Variants in METTL24 observed in about 807,000 individuals in gnomAD.
The protein encoded by METTL24 is methyltransferase like 24.
In METTL24, 29 loss-of-function variants were observed where a neutral mutation model predicts 32.7. That is an observed-to-expected ratio of 0.89 (90% CI 0.66 to 1.21). The LOEUF (loss-of-function observed/expected upper bound fraction) is 1.21. Ranked by LOEUF, METTL24 falls within the 50% of genes most tolerant of loss-of-function variation. METTL24 has a pLI of 0.00. For synonymous variants in METTL24, 163 were observed against 179.5 expected (o/e 0.91, Z 0.73); for missense variants, 439 against 468.1 (o/e 0.94, Z 0.57).
At chr6:110,274,522 G>T (rs570910307) in intron 4 of METTL24, among the ~76,000 whole-genome samples, 5 of 152,092 alleles carry the variant, frequency 3.3e-5, no homozygotes, top group Non-Finnish European at 2.9e-5. Context: ...GGGTAGGAGG[G>T]TATAAGGGAT....
chr6:110,290,263 C>T (rs767534635), intron 4 of METTL24, among the ~76,000 whole-genome samples: 6 of 152,132 alleles, frequency 3.9e-5, no homozygotes, highest in Admixed American at 1.3e-4. Flanking sequence ...ACCACCATAA[C>T]GTACTCAAAA....
At position 110,315,374 on chromosome 6, in the gene METTL24, G is replaced by A. The variant is rs1247743558; in HGVS notation, c.525C>T (p.Ile175=). 1.2e-6 allele frequency: 2 copies of A among 1,614,154 alleles called. No homozygotes were observed. The highest frequency in any genetic ancestry group is 8.5e-7 in the Non-Finnish European group (1 of 1,180,012). ...AGTAGAGGCGGCACTGCTTGTTGCG[G>A]ATTTGATGAGCTAAATTGAACCTGT... ...LDDRFNLAHQ[I]RNKQCRLYSL... is the part of the protein sequence containing the mutation. Residue 175 remains isoleucine (I), a synonymous_variant, in exon 3 of 5, where the codon ATC becomes ATT. Coordinates refer to ENST00000338882, the MANE Select transcript of METTL24 (RefSeq NM_001123364.3).
At chr6:110,277,111 A>G (rs1199644984) in intron 4 of METTL24, among the ~76,000 whole-genome samples, 1 of 152,184 alleles carries the variant, frequency 6.6e-6, no homozygotes, top group African/African-American at 2.4e-5. Flanking sequence ...AAAAAATCAC[A>G]AAAGATTGCG....
At chr6:110,257,310 T>C (rs939839566) in intron 4 of METTL24, among the ~76,000 whole-genome samples, 1 of 152,194 alleles carries the variant, frequency 6.6e-6, no homozygotes, top group African/African-American at 2.4e-5. Flanking sequence ...AAGTGAACTG[T>C]TCCTAAACTG....
At chr6:110,355,648 C>T (rs551825358) in intron 1 of METTL24, among the ~76,000 whole-genome samples, 10 of 152,326 alleles carry the variant, frequency 6.6e-5, no homozygotes, top group Admixed American at 5.9e-4. Context: ...AAGCTCTGGA[C>T]TCACACGTCC....
At chr6:110,268,142 T>G (rs943472260) in intron 4 of METTL24, among the ~76,000 whole-genome samples, 1 of 152,044 alleles carries the variant, frequency 6.6e-6, no homozygotes, top group Admixed American at 6.5e-5. Context: ...AACAAGCAAA[T>G]GAAATAGGCA....
chr6:110,258,543 G>A (rs766591555), intron 4 of METTL24, among the ~76,000 whole-genome samples: 2 of 152,106 alleles, frequency 1.3e-5, no homozygotes, highest in Non-Finnish European at 2.9e-5. Flanking sequence ...ATGAATGGAT[G>A]TATGGACAAA....
intron 4 of METTL24, among the ~76,000 whole-genome samples, chr6:110,249,144 A>G (rs2114689411): frequency 6.6e-6 from 1 of 152,118 alleles, no homozygotes; most frequent in African/African-American, 2.4e-5. Context: ...TAAAAACTCT[A>G]TTAGTGATGT....
chr6:110,348,277 T>A (rs1030717821), intron 1 of METTL24, among the ~76,000 whole-genome samples: 1 of 152,224 alleles, frequency 6.6e-6, no homozygotes, highest in Non-Finnish European at 1.5e-5. Flanking sequence ...CTTGTCCATA[T>A]CCACTAAGCA....
At chr6:110,252,383 G>T (rs376082364) in intron 4 of METTL24, among the ~76,000 whole-genome samples, 21 of 152,178 alleles carry the variant, frequency 1.4e-4, no homozygotes, top group African/African-American at 5.1e-4. Flanking sequence ...ATGCATTCCT[G>T]GTGTCTCCAC....
At position 110,245,805 on chromosome 6, in the gene METTL24, C is replaced by T. The variant is rs1031105410; in HGVS notation, c.*141G>A. On this transcript the variant is annotated 3_prime_UTR_variant, in exon 5 of 5. Transcript: ENST00000338882. The stretch of plus-strand genomic sequence containing the variant: ...GCCCCATCACATGCCAAGCACTAGG[C>T]TGCATGCCCGCAATAACACACTCCC... The T allele has an allele frequency of 3.9e-6, 3 of 771,672 alleles. No individual in the cohort carries two copies. Among genetic ancestry groups the T allele is most frequent in the Non-Finnish European group, 6.3e-6 (3 of 472,816 alleles). The allele number at this position is 771,672 out of a possible 1,614,324, so 47.8% of individuals were successfully genotyped here.
chr6:110,249,400 G>A (rs1010073628), intron 4 of METTL24, among the ~76,000 whole-genome samples: 2 of 151,784 alleles, frequency 1.3e-5, no homozygotes, highest in African/African-American at 2.4e-5. Flanking sequence ...ACTTCAATCA[G>A]AATTGTATAA....
chr6:110,250,271 T>G (rs980485599), intron 4 of METTL24, among the ~76,000 whole-genome samples: 1 of 151,976 alleles, frequency 6.6e-6, no homozygotes, highest in Non-Finnish European at 1.5e-5. Flanking sequence ...CTGTGCTGCT[T>G]GCCTGGCTTC....
intron 4 of METTL24, among the ~76,000 whole-genome samples, chr6:110,256,799 C>T (rs914621276): frequency 3.4e-4 from 52 of 152,346 alleles, no homozygotes; most frequent in African/African-American, 1.3e-3. Flanking sequence ...GCACACGACA[C>T]TTAGCCAAAT....
chr6:110,354,371 G>A (rs907372240), intron 1 of METTL24, among the ~76,000 whole-genome samples: 3 of 152,178 alleles, frequency 2.0e-5, no homozygotes, highest in Non-Finnish European at 4.4e-5. Flanking sequence ...CACCTGGAAT[G>A]GAAGCAGAGT....
chr6:110,354,905 AC>A (rs886252076), intron 1 of METTL24, among the ~76,000 whole-genome samples: 1 of 152,254 alleles, frequency 6.6e-6, no homozygotes, highest in Non-Finnish European at 1.5e-5. Flanking sequence ...ACCTTAGGAG[AC>A]TAAAAACTTA....
chr6:110,314,552 C>G (rs1771783488), intron 3 of METTL24, among the ~76,000 whole-genome samples: 1 of 152,054 alleles, frequency 6.6e-6, no homozygotes, highest in African/African-American at 2.4e-5. Flanking sequence ...TTTATGAGTT[C>G]CCTTTTATCC....
At chr6:110,286,117 C>T (rs1031121410) in intron 4 of METTL24, among the ~76,000 whole-genome samples, 48 of 152,264 alleles carry the variant, frequency 3.2e-4, no homozygotes. Context: ...ATGCACCTTA[C>T]AATAGGAGAA....
At chr6:110,317,500 C>T (rs571743514) in intron 2 of METTL24, among the ~76,000 whole-genome samples, 1 of 152,194 alleles carries the variant, frequency 6.6e-6, no homozygotes, top group South Asian at 2.1e-4. Flanking sequence ...TCCTGAGCTC[C>T]ACCTCCAGTG....
Sources: gnomAD v4.1 joint callset for allele counts (sites outside exome capture counted in the v4.1 genomes callset) on GRCh38, gnomAD v4.1.1 for gene constraint, MANE v1.5 for transcripts, NCBI Gene and HGNC (gene_info 2026-07-23, HGNC 2026-07-21) for gene names.